Variants in CNTN4 observed in about 807,000 individuals in gnomAD.
The protein encoded by CNTN4 is contactin 4.
CNTN4 carries 77 observed loss-of-function variants against 122.5 expected under a neutral mutation model. That is an observed-to-expected ratio of 0.63 (90% confidence interval 0.52 to 0.76). The LOEUF (loss-of-function observed/expected upper bound fraction) is 0.76, where lower values mean the gene tolerates loss of function less well. Ranked by LOEUF, CNTN4 falls within the 30% of genes least tolerant of loss-of-function variation. The pLI is 0.00. For missense variants in CNTN4, 1,256 were observed against 1,259.1 expected (o/e 1.00, Z 0.04); for synonymous variants, 512 against 447.0 (o/e 1.15, Z -1.83).
chr3:2,098,990 G>C lies in CNTN4; in HGVS notation c.-227+12G>C, dbSNP rs2031638814. On this transcript the variant is annotated intron_variant, in intron 1 of 24. Coordinates refer to ENST00000418658, the MANE Select transcript of CNTN4 (RefSeq NM_175607.3). ...GCCCCGGTGCTGAGGTAAGTGAGGC[G>C]GCAGCTGTGCGGGTCCGGCTCCTGC... The C allele has an allele frequency of 6.6e-6, 1 of 152,358 alleles. No homozygotes were observed. Among genetic ancestry groups the C allele is most frequent in the South Asian group, 2.1e-4 (1 of 4,836 alleles). The allele number at this position is 152,358 out of a possible 1,614,324, so 9.4% of individuals were successfully genotyped here. A position where few individuals can be genotyped will look rare whatever the true frequency, so the allele number is the denominator to read the frequency against.
At chr3:2,257,209 A>G (rs372952622) in intron 2 of CNTN4, among the ~76,000 whole-genome samples, 4 of 152,224 alleles carry the variant, frequency 2.6e-5, no homozygotes, top group African/African-American at 7.2e-5. Flanking sequence ...TGTTTAATAA[A>G]TGGTGTTGGG....
chr3:2,883,284 C>A, intron 9 of CNTN4, 37 bp downstream of exon 9: 2 of 1,465,278 alleles, frequency 1.4e-6, no homozygotes, highest in Non-Finnish European at 1.9e-6. Context: ...ATCCTCCCTT[C>A]AGCTTGAGCA....
intron 3 of CNTN4, among the ~76,000 whole-genome samples, chr3:2,491,699 T>C (rs994074007): frequency 6.6e-6 from 1 of 152,222 alleles, no homozygotes; most frequent in Non-Finnish European, 1.5e-5. Flanking sequence ...TCTTTAATTA[T>C]AGTTTTCATA....
chr3:2,174,903 A>G (rs1252046680), intron 2 of CNTN4, among the ~76,000 whole-genome samples: 3 of 151,850 alleles, frequency 2.0e-5, no homozygotes, highest in Admixed American at 2.0e-4. Context: ...GTATATGGAC[A>G]CTCATTATTG....
At chr3:2,759,685 T>C (rs1426884630) in intron 6 of CNTN4, among the ~76,000 whole-genome samples, 6 of 149,840 alleles carry the variant, frequency 4.0e-5, no homozygotes. Flanking sequence ...TAACATACAG[T>C]AACTGGGCAA....
At chr3:3,026,685 G>A (rs1698752115) in intron 15 of CNTN4, among the ~76,000 whole-genome samples, 1 of 152,084 alleles carries the variant, frequency 6.6e-6, no homozygotes, top group Non-Finnish European at 1.5e-5. Context: ...TCTGTTTTTA[G>A]GCTGCTAATT....
intron 2 of CNTN4, among the ~76,000 whole-genome samples, chr3:2,311,132 A>T (rs1575341253): frequency 6.6e-6 from 1 of 152,080 alleles, no homozygotes; most frequent in African/African-American, 2.4e-5. Flanking sequence ...GTCTTATTGG[A>T]TCTGACAAAA....
At chr3:2,218,703 A>T (rs1229542576) in intron 2 of CNTN4, among the ~76,000 whole-genome samples, 1 of 152,220 alleles carries the variant, frequency 6.6e-6, no homozygotes, top group Non-Finnish European at 1.5e-5. Context: ...TTTTTCCCTG[A>T]TACAAATGTG....
chr3:2,448,118 T>C (rs2151331399), intron 3 of CNTN4, among the ~76,000 whole-genome samples: 1 of 152,178 alleles, frequency 6.6e-6, no homozygotes, highest in Middle Eastern at 3.4e-3. Context: ...CAGGATAAGA[T>C]CATCAAATAG....
At chr3:2,527,817 C>T (rs539708877) in intron 3 of CNTN4, among the ~76,000 whole-genome samples, 100 of 152,208 alleles carry the variant, frequency 6.6e-4, no homozygotes, top group African/African-American at 5.8e-4. Context: ...ATTGGTAGCC[C>T]TTATGACACA....
At chr3:2,736,431 GC>G in intron 5 of CNTN4, 90 bp downstream of exon 5, 4 of 808,084 alleles carry the variant, frequency 4.9e-6, no homozygotes, top group Non-Finnish European at 6.9e-6. Flanking sequence ...TACATAAAGA[GC>G]TTTTATTTAT....
At chr3:2,946,808 A>G (rs1161235995) in intron 13 of CNTN4, among the ~76,000 whole-genome samples, 1 of 151,422 alleles carries the variant, frequency 6.6e-6, no homozygotes, top group Non-Finnish European at 1.5e-5. Context: ...CTGGGTTCAA[A>G]CAATCCTCCC....
chr3:2,310,343 A>G (rs1003938982), intron 2 of CNTN4, among the ~76,000 whole-genome samples: 2 of 152,124 alleles, frequency 1.3e-5, no homozygotes, highest in Non-Finnish European at 2.9e-5. Flanking sequence ...TATGACTGAC[A>G]CTGTGGAGCT....
chr3:2,630,856 T>A (rs1057361599), intron 4 of CNTN4, among the ~76,000 whole-genome samples: 10 of 152,144 alleles, frequency 6.6e-5, no homozygotes, highest in African/African-American at 2.4e-4. Flanking sequence ...GCTTTAAAGA[T>A]TTACCTGGGT....
chr3:2,248,544 C>A lies in CNTN4; in HGVS notation c.-144-90634C>A, dbSNP rs568799052. Among the ~76,000 whole-genome samples the A allele has an allele frequency of 5.7e-4, 87 of 152,050 alleles. 1 individual carries two copies. In the South Asian group the frequency reaches 0.018, roughly 31 times the overall value. The stretch of plus-strand genomic sequence containing the variant: ...GAAGGAAAAGAAAACAGAACATAAA[C>A]CCCCCAAATATTTTTTAAAGGCCAA... On this transcript the variant is annotated intron_variant, in intron 2 of 24. Coordinates refer to ENST00000418658, the MANE Select transcript of CNTN4 (RefSeq NM_175607.3).
At chr3:3,056,077 C>A (rs759211579) in intron 24 of CNTN4, 43 bp from the exon 25 acceptor site, 4 of 1,503,930 alleles carry the variant, frequency 2.7e-6, no homozygotes, top group Admixed American at 3.4e-5. Context: ...CCCTTTGAAG[C>A]CGGGATGGGG....
intron 4 of CNTN4, among the ~76,000 whole-genome samples, chr3:2,627,124 T>C (rs899519971): frequency 1.3e-5 from 2 of 152,198 alleles, no homozygotes; most frequent in African/African-American, 4.8e-5. Context: ...CCTCCTGGGA[T>C]GCAGGACTTT....
At chr3:3,050,851 G>C (rs1236398679) in intron 23 of CNTN4, among the ~76,000 whole-genome samples, 5 of 151,360 alleles carry the variant, frequency 3.3e-5, no homozygotes, top group Non-Finnish European at 7.4e-5. Context: ...CATGAGACCG[G>C]GCAATTGCTT....
At chr3:2,184,269 G>A (rs2037148996) in intron 2 of CNTN4, among the ~76,000 whole-genome samples, 1 of 152,150 alleles carries the variant, frequency 6.6e-6, no homozygotes, top group Non-Finnish European at 1.5e-5. Context: ...TTACAGGAGT[G>A]AGCCACCACA....
Sources: gnomAD v4.1 joint callset for allele counts (sites outside exome capture counted in the v4.1 genomes callset) on GRCh38, gnomAD v4.1.1 for gene constraint, MANE v1.5 for transcripts, NCBI Gene and HGNC (gene_info 2026-07-23, HGNC 2026-07-21) for gene names.